The following ADGRE5 variants were observed in gnomAD, a reference collection of about 807,000 sequenced individuals.
The protein encoded by ADGRE5 is adhesion G protein-coupled receptor E5, also known as CD97 molecule.
ADGRE5 carries 72 observed loss-of-function variants against 100.3 expected under a neutral mutation model. That is an observed-to-expected ratio of 0.72 (90% CI 0.59 to 0.87). The LOEUF is 0.87. Among genes scored for constraint, ADGRE5 ranks in the 40% least tolerant of loss-of-function variants. ADGRE5 has a pLI of 0.00. For missense variants in ADGRE5, 959 were observed against 1,094.7 expected, an observed-to-expected ratio of 0.88 and a Z score of 1.75; for synonymous variants, 439 against 447.8, an observed-to-expected ratio of 0.98 and a Z score of 0.25.
chr19:14,390,327 CT>C (rs1194246206), intron 3 of ADGRE5, among the ~76,000 whole-genome samples: 2,347 of 137,724 alleles, frequency 0.017, 26 homozygotes, highest in African/African-American at 0.036. Context: ...TTTTTTTTTC[CT>C]TTTTTTTTTT....
chr19:14,395,279 C>T (rs1314389521), intron 4 of ADGRE5, among the ~76,000 whole-genome samples: 1 of 145,752 alleles, frequency 6.9e-6, no homozygotes, highest in Admixed American at 6.9e-5. Context: ...CCAGCCTGGG[C>T]AACAGAGAGA....
rs1433835637 is a variant in ADGRE5, at chr19:14,397,162, C to T, written c.564C>T (p.Cys188=). 1 of 1,614,154 alleles carries T rather than the reference C, an allele frequency of 6.2e-7. No individual in the cohort carries two copies. Among genetic ancestry groups the T allele is most frequent in the African/African-American group, 1.3e-5 (1 of 75,026 alleles). Reference sequence around the variant, plus strand: ...ACGTGGGCAGCTATCAGTGCCGCTGCCGCCCGGGCTGGCAACCGATTCCGG... The same window carrying T: ...ACGTGGGCAGCTATCAGTGCCGCTGTCGCCCGGGCTGGCAACCGATTCCGG... The part of the protein sequence containing the change: ...LNNVGSYQCR[C]RPGWQPIPGS... The change falls in exon 6 of 20, where the codon TGC becomes TGT. Residue 188 remains cysteine (C), a synonymous_variant. Transcript: ENST00000242786.
At chr19:14,391,967 C>T (rs1975615710) in intron 4 of ADGRE5, among the ~76,000 whole-genome samples, 2 of 150,356 alleles carry the variant, frequency 1.3e-5, no homozygotes, top group South Asian at 4.2e-4. Context: ...CATGGTGGCA[C>T]GCGCCTGTAA....
At chr19:14,392,196 T>C (rs1406820036) in intron 4 of ADGRE5, among the ~76,000 whole-genome samples, 1 of 151,776 alleles carries the variant, frequency 6.6e-6, no homozygotes, top group East Asian at 1.9e-4. Context: ...ATCACTTCAC[T>C]TGAGTCTGGG....
rs774656698 is a variant in ADGRE5, at chr19:14,406,707, T to C, written c.2056T>C (p.Leu686=). 15 of 1,613,998 alleles carry C rather than the reference T, an allele frequency of 9.3e-6. No homozygotes were observed. Among genetic ancestry groups the C allele is most frequent in the Non-Finnish European group, 1.1e-5 (13 of 1,180,014 alleles). ...KGYGRPRYCW[L]DFEQGFLWSF... ...CCCTCCCTTCCCTCCTAGCTGCTGG[T>C]TGGACTTTGAGCAGGGCTTCCTCTG... Residue 686 remains leucine (L), a synonymous_variant, in exon 16 of 20, where the codon TTG becomes CTG. Coordinates refer to ENST00000242786, the MANE Select transcript of ADGRE5 (RefSeq NM_078481.4). This position sits in a 1 kb window ranked among gnomAD's most constrained non-coding sequence, Gnocchi z 6.0.
At chr19:14,404,607 C>A in intron 13 of ADGRE5, 45 bp downstream of exon 13, 1 of 1,557,940 alleles carries the variant, frequency 6.4e-7, no homozygotes, top group South Asian at 1.1e-5. Context: ...GTAATGAGGT[C>A]CAGCTGCAAC....
chr19:14,401,481 C>T lies in ADGRE5; in HGVS notation c.993C>T (p.Leu331=), dbSNP rs1219668507. ...PVRHLIATQL[L]SNLEDIMRIL... ...GGCACCTCATAGCCACCCAGCTGCT[C>T]TCAAACCTTGAAGATATCATGAGGA... Residue 331 remains leucine (L), a synonymous_variant, in exon 10 of 20, where the codon CTC becomes CTT. Transcript: ENST00000242786. The surrounding 1 kb of genome is among the most constrained non-coding windows in gnomAD (Gnocchi z 4.1). The T allele has an allele frequency of 2.5e-6, 4 of 1,614,072 alleles. No individual in the cohort carries two copies. In the African/African-American group the frequency reaches 4.0e-5, roughly 16 times the overall value.
chr19:14,404,260 C>G, intron 12 of ADGRE5, 123 bp from the exon 13 acceptor site: 1 of 848,220 alleles, frequency 1.2e-6, no homozygotes, highest in Non-Finnish European at 1.8e-6. Flanking sequence ...AAACCTGTTA[C>G]ATTCAGTAGG....
In ADGRE5 at chr19:14,406,095, G is replaced by T. The variant is rs946639644; in HGVS notation, c.1821+156G>T. ...TCTGGCCCCGCCCACCGGGGGGTCG[G>T]GTTGTCTCTTTAAAGGGCGCTGGCT... On this transcript the variant is annotated intron_variant, in intron 14 of 19. Coordinates refer to ENST00000242786, the MANE Select transcript of ADGRE5 (RefSeq NM_078481.4). This position sits in a 1 kb window ranked among gnomAD's most constrained non-coding sequence, Gnocchi z 6.0. Among the ~76,000 whole-genome samples the T allele has an allele frequency of 1.3e-5, 2 of 152,176 alleles. No homozygotes were observed. The highest frequency in any genetic ancestry group is 4.8e-5 in the African/African-American group (2 of 41,452).
At chr19:14,384,800 T>C (rs1975276900) in intron 1 of ADGRE5, among the ~76,000 whole-genome samples, 3 of 151,846 alleles carry the variant, frequency 2.0e-5, no homozygotes, top group Non-Finnish European at 4.4e-5. Context: ...ATGTAATTTC[T>C]GTCTCTCTGT....
At chr19:14,388,428 C>A (rs767547387) in intron 1 of ADGRE5, 22 bp from the exon 2 acceptor site, 1 of 1,563,244 alleles carries the variant, frequency 6.4e-7, no homozygotes, top group Non-Finnish European at 8.7e-7. Context: ...CCCTCTGACC[C>A]CCTTTCCTTT....
Position 14,405,732 on chromosome 19 carries a change from C to T in ADGRE5, c.1630-16C>T. ...CATGCCCTGAAGGAACCCTGAGCAC[C>T]CGGTGCCACTCCTAGGACTGGAAGC... is the stretch of plus-strand genomic sequence containing the variant. On this transcript the variant is annotated splice_polypyrimidine_tract_variant and intron_variant, in intron 13 of 19. Coordinates refer to ENST00000242786, the MANE Select transcript of ADGRE5 (RefSeq NM_078481.4). 2 of 1,599,544 alleles carry T rather than the reference C, an allele frequency of 1.3e-6. No homozygotes were observed. Among genetic ancestry groups the T allele is most frequent in the Non-Finnish European group, 1.7e-6 (2 of 1,170,540 alleles).
chr19:14,402,408 C>G (rs546753574), intron 11 of ADGRE5, among the ~76,000 whole-genome samples, 189 bp from the exon 12 acceptor site: 1 of 151,374 alleles, frequency 6.6e-6, no homozygotes, highest in African/African-American at 2.4e-5. Context: ...GCACTCCAGC[C>G]TGGGCGAAAG....
chr19:14,397,003 G>A (rs1464184978), intron 5 of ADGRE5, 74 bp from the exon 6 acceptor site: 12 of 1,448,352 alleles, frequency 8.3e-6, no homozygotes, highest in South Asian at 4.0e-5. Flanking sequence ...AAAGATAGGG[G>A]AGTGGGTGCA....
At position 14,390,970 on chromosome 19, in the gene ADGRE5, C is replaced by A; in HGVS notation, c.237C>A (p.Phe79Leu). The A allele has an allele frequency of 6.2e-7, 1 of 1,614,208 alleles. No homozygotes were observed. ...CGTCGAAAGTGTCATGCGGAAAATT[C>A]TCGGACTGCTGGAACACAGAGGGGA... Reference protein sequence around the residue: ...ATPSKVSCGKFSDCWNTEGSY... With the variant: ...ATPSKVSCGKLSDCWNTEGSY... The change falls in exon 4 of 20, where the codon TTC (phenylalanine) becomes TTA (leucine). Residue 79 changes from phenylalanine to leucine, a missense_variant. Physicochemically the swap from Phe to Leu is conservative, Grantham distance 22. This residue lies in a region of ADGRE5 where 114 missense variants were observed against 195.7 expected (regional missense o/e 0.58). Coordinates refer to ENST00000242786, the MANE Select transcript of ADGRE5 (RefSeq NM_078481.4).
At position 14,406,543 on chromosome 19, in the gene ADGRE5, C is replaced by T. The variant is rs868599795; in HGVS notation, c.2034C>T (p.Tyr678=). The change falls in exon 15 of 20, where the codon TAC becomes TAT. Residue 678 remains tyrosine (Y), a synonymous_variant. Coordinates refer to ENST00000242786, the MANE Select transcript of ADGRE5 (RefSeq NM_078481.4). This position sits in a 1 kb window ranked among gnomAD's most constrained non-coding sequence, Gnocchi z 6.0. ...GVSAAIYSKG[Y]GRPRYCWLDF... ...CGGCTGCCATCTACAGCAAGGGCTACGGCCGCCCCAGATAGTGAGTGCAGC... is the reference window on the plus strand; with the variant it reads ...CGGCTGCCATCTACAGCAAGGGCTATGGCCGCCCCAGATAGTGAGTGCAGC... 3.2e-6 allele frequency: 5 copies of T among 1,584,034 alleles called. No individual in the cohort carries two copies. The highest frequency in any genetic ancestry group is 4.3e-6 in the Non-Finnish European group (5 of 1,165,650).
chr19:14,401,587 C>A lies in ADGRE5; in HGVS notation c.1075+24C>A. ...AGGTGAGGCCTTGGCCTGGCCTGCCCTGCCCCAACCCTGGGCCCCACCTGG... is the reference window on the plus strand; with the variant it reads ...AGGTGAGGCCTTGGCCTGGCCTGCCATGCCCCAACCCTGGGCCCCACCTGG... On this transcript the variant is annotated intron_variant, in intron 10 of 19. Coordinates refer to ENST00000242786, the MANE Select transcript of ADGRE5 (RefSeq NM_078481.4). The surrounding 1 kb of genome is among the most constrained non-coding windows in gnomAD (Gnocchi z 4.1). 1 of 1,611,584 alleles carries A rather than the reference C, an allele frequency of 6.2e-7. No homozygotes were observed. Among genetic ancestry groups the A allele is most frequent in the Non-Finnish European group, 8.5e-7 (1 of 1,178,328 alleles).
chr19:14,392,818 G>T (rs1459179689), intron 4 of ADGRE5, among the ~76,000 whole-genome samples: 1 of 151,432 alleles, frequency 6.6e-6, no homozygotes, highest in East Asian at 1.9e-4. Context: ...CACGAGAATC[G>T]CTTGAACCTG....
chr19:14,407,870 G>A, intron 18 of ADGRE5, 38 bp from the exon 19 acceptor site: 1 of 1,564,148 alleles, frequency 6.4e-7, no homozygotes, highest in South Asian at 1.1e-5. Context: ...ATGGTCCCAG[G>A]GCCTGCTCCT....
Sources: allele counts gnomAD v4.1 joint callset (sites outside exome capture counted in the v4.1 genomes callset), GRCh38; gene constraint gnomAD v4.1.1; regional missense constraint gnomAD v4.1.1; non-coding constraint Gnocchi (gnomAD v3.1); transcripts MANE v1.5; gene names NCBI Gene and HGNC (gene_info 2026-07-23, HGNC 2026-07-21).